The following ADGRV1 variants were observed in gnomAD, a reference collection of about 807,000 sequenced individuals.
The protein encoded by ADGRV1 is G-protein coupled receptor 98.
A neutral mutation model predicts 596.2 loss-of-function variants in ADGRV1; 359 were observed. That is an observed-to-expected ratio of 0.60 (90% CI 0.55 to 0.66). The LOEUF (loss-of-function observed/expected upper bound fraction) is 0.66, where lower values mean the gene tolerates loss of function less well. ADGRV1 is among the 30% of genes least tolerant of loss of function. The pLI is 0.00. For missense variants in ADGRV1, 7,274 were observed against 7,575.6 expected (o/e 0.96, Z 1.48); for synonymous variants, 2,681 against 2,679.2 (o/e 1.00, Z -0.02).
At chr5:91,034,415 GAT>G (rs1195895483) in intron 85 of ADGRV1, among the ~76,000 whole-genome samples, 1 of 152,164 alleles carries the variant, frequency 6.6e-6, no homozygotes, top group Non-Finnish European at 1.5e-5. Context: ...TGTCATGGTA[GAT>G]TATTAACATT....
chr5:90,899,416 C>A (rs182992733), intron 83 of ADGRV1: 2 of 152,244 alleles, frequency 1.3e-5, no homozygotes, highest in African/African-American at 4.8e-5. Flanking sequence ...ATGTTCTCCA[C>A]CTCATCTGGC....
At chr5:90,571,425 G>A (rs1482464182) in intron 1 of ADGRV1, among the ~76,000 whole-genome samples, 1 of 152,004 alleles carries the variant, frequency 6.6e-6, no homozygotes, top group Non-Finnish European at 1.5e-5. Context: ...CATCTTCTAG[G>A]TTCTAGGAAT....
At chr5:91,019,942 A>G (rs1783497400) in intron 85 of ADGRV1, among the ~76,000 whole-genome samples, 1 of 151,934 alleles carries the variant, frequency 6.6e-6, no homozygotes, top group Non-Finnish European at 1.5e-5. Context: ...TTCTCCCTGT[A>G]TAATTGTTTG....
intron 86 of ADGRV1, among the ~76,000 whole-genome samples, chr5:91,098,172 C>T (rs1381988171): frequency 2.6e-5 from 4 of 152,270 alleles, no homozygotes. Context: ...TGCGAAATAA[C>T]AGCTTAGGAA....
intron 87 of ADGRV1, among the ~76,000 whole-genome samples, chr5:91,144,179 G>A (rs145611937): frequency 1.3e-3 from 201 of 152,296 alleles, no homozygotes; most frequent in African/African-American, 4.7e-3. Flanking sequence ...CCCCCCACCA[G>A]CTCTATGGAG....
At chr5:91,158,682 A>C (rs115927342) in intron 89 of ADGRV1, among the ~76,000 whole-genome samples, 1 of 152,248 alleles carries the variant, frequency 6.6e-6, no homozygotes, top group Non-Finnish European at 1.5e-5. Flanking sequence ...CAAATTCCAC[A>C]TAGAAGCAGG....
intron 53 of ADGRV1, among the ~76,000 whole-genome samples, chr5:90,753,105 A>G (rs879518212): frequency 4.6e-5 from 7 of 152,176 alleles, no homozygotes; most frequent in East Asian, 1.9e-4. Flanking sequence ...ATCTCTCCCT[A>G]TCTTTCTCTC....
chr5:90,931,823 G>A lies in ADGRV1; in HGVS notation c.17857-33592G>A, dbSNP rs189908180. On this transcript the variant is annotated intron_variant, in intron 83 of 89. Coordinates refer to ENST00000405460, the MANE Select transcript of ADGRV1 (RefSeq NM_032119.4). ...GGCATATACTTGAAAATCCTTTACC[G>A]TATATTGGCTTAGAGAAAAATTGAT... Among the ~76,000 whole-genome samples the A allele has an allele frequency of 4.0e-3, 616 of 152,132 alleles. 17 individuals carry two copies. The highest frequency in any genetic ancestry group is 7.9e-4 in the Non-Finnish European group (54 of 68,014).
chr5:91,163,869 G>A lies in ADGRV1; in HGVS notation c.18890G>A (p.Arg6297Lys). 1 of 1,599,506 alleles carries A rather than the reference G, an allele frequency of 6.3e-7. No individual in the cohort carries two copies. Among genetic ancestry groups the A allele is most frequent in the Non-Finnish European group, 8.6e-7 (1 of 1,168,546 alleles). The part of the protein sequence containing the change: ...TLTDSQIVEL[R>K]RIPIADTHL ...ACTGACTCCCAGATCGTGGAGCTCA[G>A]GAGGATACCCATCGCCGACACTCAC... The change falls in exon 90 of 90, where the codon AGG becomes AAG. Residue 6297 changes from arginine (R) to lysine (K), a missense_variant. Around this residue, in one of 5 missense-constraint regions of ADGRV1, gnomAD observed 1,874 missense variants for 1,970.2 expected, o/e 0.95. Coordinates refer to ENST00000405460, the MANE Select transcript of ADGRV1 (RefSeq NM_032119.4).
intron 1 of ADGRV1, among the ~76,000 whole-genome samples, chr5:90,587,859 G>A (rs73179723): frequency 0.022 from 3,397 of 151,942 alleles, 96 homozygotes; most frequent in African/African-American, 0.067. Context: ...TGTGCCCAGC[G>A]TGTTTTCTCT....
At chr5:90,671,739 A>T (rs1561497441) in intron 21 of ADGRV1, among the ~76,000 whole-genome samples, 1 of 152,144 alleles carries the variant, frequency 6.6e-6, no homozygotes, top group Non-Finnish European at 1.5e-5. Flanking sequence ...TTTTCTCCAA[A>T]CTATATATTT....
chr5:90,913,516 A>G (rs1436732797), intron 83 of ADGRV1, among the ~76,000 whole-genome samples: 1 of 152,250 alleles, frequency 6.6e-6, no homozygotes, highest in Non-Finnish European at 1.5e-5. Flanking sequence ...TTAATGATTC[A>G]TATACACATC....
intron 85 of ADGRV1, among the ~76,000 whole-genome samples, chr5:91,013,974 A>G (rs1035110985): frequency 6.6e-5 from 10 of 151,884 alleles, no homozygotes; most frequent in South Asian, 6.2e-4. Flanking sequence ...TCTTTTCCCA[A>G]TGGTATGTTT....
Position 90,810,695 on chromosome 5 carries a change from A to C in ADGRV1, c.15435A>C (p.Ala5145=). The C allele has an allele frequency of 1.9e-6, 3 of 1,613,926 alleles. No homozygotes were observed. The highest frequency in any genetic ancestry group is 2.5e-6 in the Non-Finnish European group (3 of 1,179,870). ...ISFPETTVAV[A]VDTTLIPVET... Reference sequence around the variant, plus strand: ...TCCCCGAGACAACTGTGGCTGTAGCAGTTGACACAACTCTCATTCCTGTAG... The same window carrying C: ...TCCCCGAGACAACTGTGGCTGTAGCCGTTGACACAACTCTCATTCCTGTAG... The change falls in exon 74 of 90, where the codon GCA becomes GCC. Residue 5145 remains alanine, a synonymous_variant. Coordinates refer to ENST00000405460, the MANE Select transcript of ADGRV1 (RefSeq NM_032119.4).
chr5:90,678,783 A>G (rs948324156), intron 25 of ADGRV1, among the ~76,000 whole-genome samples: 3 of 151,814 alleles, frequency 2.0e-5, no homozygotes, highest in Non-Finnish European at 4.4e-5. Flanking sequence ...CAGAGGTGTC[A>G]TGACCTGATC....
intron 82 of ADGRV1, among the ~76,000 whole-genome samples, chr5:90,861,966 G>A (rs564354338): frequency 9.2e-5 from 14 of 152,152 alleles, no homozygotes; most frequent in East Asian, 1.9e-4. Flanking sequence ...ACTATGATGC[G>A]TTATAGTTAT....
intron 87 of ADGRV1, among the ~76,000 whole-genome samples, chr5:91,120,713 A>G (rs1793235924): frequency 1.3e-5 from 2 of 152,114 alleles, no homozygotes; most frequent in South Asian, 4.1e-4. Flanking sequence ...CCTGTTCTAG[A>G]CTAGTACAAA....
chr5:91,145,700 G>A (rs895334945), intron 87 of ADGRV1, among the ~76,000 whole-genome samples: 7 of 151,038 alleles, frequency 4.6e-5, no homozygotes, highest in Non-Finnish European at 1.0e-4. Context: ...TTTACTTTTA[G>A]ATCATGGTTA....
chr5:90,598,664 C>G (rs1761020880), intron 1 of ADGRV1, among the ~76,000 whole-genome samples: 1 of 152,122 alleles, frequency 6.6e-6, no homozygotes, highest in Non-Finnish European at 1.5e-5. Context: ...CACCAGACCT[C>G]CTTTAGGAAT....
Sources: allele counts gnomAD v4.1 joint callset (sites outside exome capture counted in the v4.1 genomes callset), GRCh38; gene constraint gnomAD v4.1.1; regional missense constraint gnomAD v4.1.1; transcripts MANE v1.5; gene names NCBI Gene and HGNC (gene_info 2026-07-23, HGNC 2026-07-21).